Variants in MPHOSPH9 observed in about 807,000 individuals in gnomAD.
MPHOSPH9 encodes M-phase phosphoprotein 9.
Under a neutral mutation model 145.5 loss-of-function variants are expected in MPHOSPH9, and 88 were observed. That is an observed-to-expected ratio of 0.60 (90% CI 0.51 to 0.72). The LOEUF is 0.72. Among genes scored for constraint, MPHOSPH9 ranks in the 30% least tolerant of loss-of-function variants. MPHOSPH9 has a pLI of 0.00. For missense variants in MPHOSPH9, 1,238 were observed against 1,386.6 expected, an observed-to-expected ratio of 0.89 and a Z score of 1.70; for synonymous variants, 435 against 486.2, an observed-to-expected ratio of 0.89 and a Z score of 1.39.
rs1022165194 is a variant in MPHOSPH9 at position 123,212,108 on chromosome 12, T to C, written c.1088-1946A>G. On this transcript the variant is annotated intron_variant, in intron 7 of 23. Transcript: ENST00000606320. ...GGCAGGAGGAGTGAGACATGAAAAGTAAGTAAATCATGCAGTATATAGGTG... is the reference window on the plus strand; with the variant it reads ...GGCAGGAGGAGTGAGACATGAAAAGCAAGTAAATCATGCAGTATATAGGTG... 2.8e-4 allele frequency among the ~76,000 whole-genome samples: 43 copies of C among 152,038 alleles called. 2 individuals are homozygous for C. The highest frequency in any genetic ancestry group is 5.9e-5 in the Non-Finnish European group (4 of 68,022).
intron 11 of MPHOSPH9, among the ~76,000 whole-genome samples, chr12:123,200,054 A>C (rs1160413637): frequency 6.6e-6 from 1 of 152,208 alleles, no homozygotes; most frequent in Non-Finnish European, 1.5e-5. Context: ...TTTTTTCAGT[A>C]CTATGGATTC....
intron 5 of MPHOSPH9, among the ~76,000 whole-genome samples, chr12:123,220,002 T>A (rs954281565): frequency 1.1e-4 from 16 of 152,254 alleles, no homozygotes; most frequent in Non-Finnish European, 2.4e-4. Context: ...AAGACCAGCC[T>A]GGCCAACACG....
At chr12:123,212,796 T>C (rs78688710) in intron 7 of MPHOSPH9, among the ~76,000 whole-genome samples, 4,374 of 142,840 alleles carry the variant, frequency 0.031, 268 homozygotes, top group African/African-American at 0.11. Context: ...TACTTTATCA[T>C]GGTGCAAAAG....
intron 13 of MPHOSPH9, among the ~76,000 whole-genome samples, chr12:123,193,114 C>T (rs4044134): frequency 0.35 from 32,861 of 93,092 alleles, 6,987 homozygotes; most frequent in East Asian, 0.64. Flanking sequence ...TATATACACA[C>T]ACACACACAC....
At chr12:123,162,295 G>T in intron 20 of MPHOSPH9, 77 bp from the exon 21 acceptor site, 1 of 663,482 alleles carries the variant, frequency 1.5e-6, no homozygotes, top group Non-Finnish European at 2.4e-6. Context: ...AAGATGAGCT[G>T]GCATCCAGCT....
intron 22 of MPHOSPH9, 113 bp downstream of exon 22, chr12:123,161,023 T>C: frequency 7.2e-7 from 1 of 1,394,178 alleles, no homozygotes. Context: ...ACAGCTCTGG[T>C]ATGTTATCCC....
intron 3 of MPHOSPH9, among the ~76,000 whole-genome samples, chr12:123,226,814 AT>A (rs1265560264): frequency 6.6e-6 from 1 of 152,032 alleles, no homozygotes; most frequent in Non-Finnish European, 1.5e-5. Flanking sequence ...ATGTATTTAT[AT>A]TTGTAGAGAC....
At chr12:123,194,624 ATT>A (rs370653679) in intron 12 of MPHOSPH9, 23 bp from the exon 13 acceptor site, 296 of 1,240,846 alleles carry the variant, frequency 2.4e-4, no homozygotes, top group South Asian at 3.9e-4. Flanking sequence ...GACAAACATA[ATT>A]TTTTTTTTTT....
At chr12:123,241,353 CAG>C (rs2047934337) in intron 1 of MPHOSPH9, among the ~76,000 whole-genome samples, 2 of 151,844 alleles carry the variant, frequency 1.3e-5, no homozygotes, top group Non-Finnish European at 1.5e-5. Context: ...TTTTTTGAGA[CAG>C]AGTCTCGCTC....
intron 1 of MPHOSPH9, among the ~76,000 whole-genome samples, chr12:123,241,134 TG>T (rs2047928667): frequency 2.0e-5 from 3 of 150,628 alleles, no homozygotes; most frequent in South Asian, 4.3e-4. Context: ...GGCTTTTATT[TG>T]GGGTTGTTTT....
At chr12:123,231,354 C>G (rs2047626569) in intron 1 of MPHOSPH9, among the ~76,000 whole-genome samples, 1 of 152,098 alleles carries the variant, frequency 6.6e-6, no homozygotes, top group Non-Finnish European at 1.5e-5. Flanking sequence ...ATAAATTCTA[C>G]CAAGTATATA....
chr12:123,152,624 G>T (rs778124705), downstream of MPHOSPH9: 3 of 456,092 alleles, frequency 6.6e-6, no homozygotes, highest in South Asian at 1.6e-5. Context: ...TATCTGAGGG[G>T]TCTATGGAAA....
At chr12:123,166,816 T>C in intron 16 of MPHOSPH9, 27 bp from the exon 17 acceptor site, 1 of 1,606,842 alleles carries the variant, frequency 6.2e-7, no homozygotes, top group Non-Finnish European at 8.5e-7. Flanking sequence ...GGTCAGGCAT[T>C]ATAAAGGTCT....
chr12:123,204,517 C>A (rs1475322506), intron 8 of MPHOSPH9, among the ~76,000 whole-genome samples: 2 of 152,178 alleles, frequency 1.3e-5, no homozygotes, highest in Admixed American at 6.6e-5. Flanking sequence ...CCACCCATCA[C>A]TTCTCAGCCT....
chr12:123,208,374 T>C (rs1476626501), intron 8 of MPHOSPH9, among the ~76,000 whole-genome samples: 4 of 150,844 alleles, frequency 2.7e-5, no homozygotes, highest in Non-Finnish European at 5.9e-5. Context: ...CCGTCTCTAC[T>C]AAAAATACAA....
chr12:123,170,041 G>A (rs1234745263), intron 16 of MPHOSPH9, among the ~76,000 whole-genome samples: 1 of 149,816 alleles, frequency 6.7e-6, no homozygotes, highest in Non-Finnish European at 1.5e-5. Flanking sequence ...GCAGTGGCAT[G>A]ATCATGGCTC....
intron 13 of MPHOSPH9, among the ~76,000 whole-genome samples, chr12:123,185,947 C>T (rs191891861): frequency 2.3e-3 from 348 of 151,746 alleles, no homozygotes; most frequent in African/African-American, 3.7e-3. Context: ...CAGGAGAGGC[C>T]GGGCATGGTG....
downstream of MPHOSPH9, among the ~76,000 whole-genome samples, chr12:123,153,540 G>A (rs537486782): frequency 3.3e-5 from 5 of 152,238 alleles, no homozygotes; most frequent in Admixed American, 6.5e-5. Context: ...GCCAAGGCAG[G>A]CAGATCATTT....
In MPHOSPH9 at chr12:123,159,516, G is replaced by A. The variant is rs1178419757; in HGVS notation, c.3450+1265C>T. ...TGTTGTTGTTTTCCCAAACATACAG[G>A]TTTCAGGATGGGGAAGAGCTTATCT... On this transcript the variant is annotated intron_variant, in intron 23 of 23. Transcript: ENST00000606320. The surrounding 1 kb of genome is among the most constrained non-coding windows in gnomAD (Gnocchi z 4.3). 6.6e-6 allele frequency among the ~76,000 whole-genome samples: 1 copy of A among 152,056 alleles called. No homozygotes were observed. Among genetic ancestry groups the A allele is most frequent in the Non-Finnish European group, 1.5e-5 (1 of 68,010 alleles).
Sources: allele counts gnomAD v4.1 joint callset (sites outside exome capture counted in the v4.1 genomes callset), GRCh38; gene constraint gnomAD v4.1.1; non-coding constraint Gnocchi (gnomAD v3.1); transcripts MANE v1.5; gene names NCBI Gene and HGNC (gene_info 2026-07-23, HGNC 2026-07-21).